ATP10D: variants seen among roughly 807,000 people sequenced by gnomAD.
ATP10D encodes the protein ATPase phospholipid transporting 10D (putative), also known as phospholipid-transporting ATPase VD.
Under a neutral mutation model 144.8 loss-of-function variants are expected in ATP10D, and 89 were observed. That is an observed-to-expected ratio of 0.61 (90% CI 0.52 to 0.73). The LOEUF is 0.73. ATP10D is among the 30% of genes least tolerant of loss of function. ATP10D has a pLI of 0.00. For synonymous variants in ATP10D, 571 were observed against 615.1 expected (o/e 0.93, Z 1.06); for missense variants, 1,603 against 1,714.8 (o/e 0.93, Z 1.15).
chr4:47,552,934 A>T (rs1282866058), intron 10 of ATP10D, among the ~76,000 whole-genome samples: 1 of 152,216 alleles, frequency 6.6e-6, no homozygotes, highest in Non-Finnish European at 1.5e-5. Flanking sequence ...TGCTGAAATT[A>T]AAAAACTTGT....
At chr4:47,554,012 G>C (rs1183265236) in intron 10 of ATP10D, among the ~76,000 whole-genome samples, 1 of 152,132 alleles carries the variant, frequency 6.6e-6, no homozygotes, top group Admixed American at 6.5e-5. Flanking sequence ...ATTATACTTA[G>C]ATTTCTACTA....
chr4:47,534,110 T>C (rs933136605), intron 5 of ATP10D, among the ~76,000 whole-genome samples: 2 of 152,166 alleles, frequency 1.3e-5, no homozygotes, highest in African/African-American at 4.8e-5. Flanking sequence ...TCCCAATAAA[T>C]TGAGTCATTG....
rs1357917394 is a variant in ATP10D at position 47,507,251 on chromosome 4, T to C, written c.-37-5253T>C. ...ACCCTTACTTAGGACTTACTATGGG[T>C]CAAACAAGTGCTAAGTGCTTTTTAT... On this transcript the variant is annotated intron_variant, in intron 1 of 22. Coordinates refer to ENST00000273859, the MANE Select transcript of ATP10D (RefSeq NM_020453.4). 2.0e-5 allele frequency among the ~76,000 whole-genome samples: 3 copies of C among 152,190 alleles called. No individual in the cohort carries two copies. The East Asian group carries it at 5.8e-4, about 29-fold the overall frequency.
At chr4:47,579,602 A>G (rs1003538478) in intron 19 of ATP10D, among the ~76,000 whole-genome samples, 1 of 152,256 alleles carries the variant, frequency 6.6e-6, no homozygotes, top group Admixed American at 6.5e-5. Flanking sequence ...AGACTAGCAC[A>G]GGTGAATCCC....
In ATP10D at chr4:47,535,619, G is replaced by C. The variant is rs769803350; in HGVS notation, c.883+4G>C. ...GTGGGCATTGTGGTTTATGCAGGTC[G>C]GTTATGTTTCTAATTTTCATTGTCT... is the stretch of plus-strand genomic sequence containing the variant. On this transcript the variant is annotated splice_donor_region_variant and intron_variant, in intron 6 of 22. Coordinates refer to ENST00000273859, the MANE Select transcript of ATP10D (RefSeq NM_020453.4). 1.4e-5 allele frequency: 22 copies of C among 1,602,562 alleles called. No homozygotes were observed. The highest frequency in any genetic ancestry group is 1.7e-5 in the Admixed American group (1 of 57,200).
chr4:47,512,989 C>G, intron 2 of ATP10D, 159 bp downstream of exon 2: 2 of 685,196 alleles, frequency 2.9e-6, no homozygotes, highest in Non-Finnish European at 4.7e-6. Flanking sequence ...TGACTCCTCC[C>G]ATTCACGTAG....
intron 15 of ATP10D, among the ~76,000 whole-genome samples, chr4:47,566,955 C>T (rs1259626147): frequency 6.6e-6 from 1 of 152,184 alleles, no homozygotes; most frequent in East Asian, 1.9e-4. Context: ...GGAAACACTG[C>T]AGCCCATGAT....
In ATP10D at chr4:47,568,929, A is replaced by C; in HGVS notation, c.2946A>C (p.Leu982Phe). The C allele has an allele frequency of 3.1e-6, 5 of 1,614,188 alleles. No individual in the cohort carries two copies. Among genetic ancestry groups the C allele is most frequent in the Non-Finnish European group, 4.2e-6 (5 of 1,180,040 alleles). The stretch of plus-strand genomic sequence containing the variant: ...AGCAAGTGTCATTAAGTGAAGATTT[A>C]CTTCAGCCTCCTGTCCCCCGGGACT... ...LPEQVSLSED[L>F]LQPPVPRDSG... Residue 982 changes from leucine to phenylalanine, a missense_variant, in exon 16 of 23, where the codon TTA becomes TTC. By Grantham distance (22) the Leu-to-Phe change is conservative. Coordinates refer to ENST00000273859, the MANE Select transcript of ATP10D (RefSeq NM_020453.4).
chr4:47,564,891 GC>G (rs1486868676), intron 15 of ATP10D, among the ~76,000 whole-genome samples: 1 of 152,176 alleles, frequency 6.6e-6, no homozygotes, highest in Admixed American at 6.5e-5. Flanking sequence ...ATCTTGTGGA[GC>G]TTTTCTTCAG....
chr4:47,541,397 A>C (rs73237091), intron 9 of ATP10D, among the ~76,000 whole-genome samples: 18,572 of 152,122 alleles, frequency 0.12, 1,476 homozygotes, highest in South Asian at 0.24. Flanking sequence ...TCAGTATTGG[A>C]GGTGGATTTT....
chr4:47,581,907 C>T (rs189101767), intron 20 of ATP10D, 53 bp from the exon 21 acceptor site: 2 of 1,417,888 alleles, frequency 1.4e-6, no homozygotes, highest in Admixed American at 1.7e-5. Flanking sequence ...AGTGATGTTA[C>T]CCACACCAAG....
intron 15 of ATP10D, among the ~76,000 whole-genome samples, chr4:47,567,476 C>T (rs970298257): frequency 6.6e-6 from 1 of 152,152 alleles, no homozygotes; most frequent in African/African-American, 2.4e-5. Context: ...ATTGGTGCCA[C>T]AAAGACTATA....
intron 10 of ATP10D, among the ~76,000 whole-genome samples, chr4:47,548,793 C>A (rs1369089564): frequency 6.6e-6 from 1 of 152,180 alleles, no homozygotes; most frequent in African/African-American, 2.4e-5. Context: ...ATTTCTCAAT[C>A]TTGGTCTAAA....
chr4:47,526,411 A>T (rs1717248681), intron 5 of ATP10D, among the ~76,000 whole-genome samples: 1 of 152,208 alleles, frequency 6.6e-6, no homozygotes, highest in Admixed American at 6.5e-5. Context: ...GTAGAAGGGA[A>T]CTTAATCTGA....
intron 2 of ATP10D, among the ~76,000 whole-genome samples, chr4:47,513,801 G>A (rs1475050457): frequency 2.6e-5 from 4 of 152,226 alleles, no homozygotes; most frequent in East Asian, 1.9e-4. Context: ...CCATGCTTAC[G>A]TCAGTATTTC....
At chr4:47,577,420 T>C (rs916524266) in intron 19 of ATP10D, among the ~76,000 whole-genome samples, 1 of 152,206 alleles carries the variant, frequency 6.6e-6, no homozygotes, top group African/African-American at 2.4e-5. Flanking sequence ...TTAGAAAGAA[T>C]AGGTTATGTT....
chr4:47,553,179 T>C (rs4695248), intron 10 of ATP10D, among the ~76,000 whole-genome samples: 130,211 of 152,228 alleles, frequency 0.86, 56,109 homozygotes, highest in East Asian at 0.99. Context: ...CTTTCTTCTA[T>C]TGACTTTGGC....
At chr4:47,548,653 A>G (rs1294875646) in intron 10 of ATP10D, among the ~76,000 whole-genome samples, 4 of 152,122 alleles carry the variant, frequency 2.6e-5, no homozygotes, top group Admixed American at 6.5e-5. Context: ...TTATACTCCA[A>G]TGTCATTGCT....
At chr4:47,495,326 A>C (rs879938627) in intron 1 of ATP10D, among the ~76,000 whole-genome samples, 2 of 152,130 alleles carry the variant, frequency 1.3e-5, no homozygotes, top group Non-Finnish European at 2.9e-5. Flanking sequence ...TTAAAAAAAA[A>C]GGAAAGAAAA....
Sources: allele counts gnomAD v4.1 joint callset (sites outside exome capture counted in the v4.1 genomes callset), GRCh38; gene constraint gnomAD v4.1.1; transcripts MANE v1.5; gene names NCBI Gene and HGNC (gene_info 2026-07-23, HGNC 2026-07-21).